The following PPM1E variants were observed in gnomAD, a reference collection of about 807,000 sequenced individuals.
The protein encoded by PPM1E is protein phosphatase 1E.
Under a neutral mutation model 65.9 loss-of-function variants are expected in PPM1E, and 20 were observed. The ratio of observed to expected loss-of-function variants is 0.30; its 90% CI spans 0.21 to 0.44. PPM1E has a LOEUF of 0.44. PPM1E is among the 20% of genes least tolerant of loss of function. The pLI, the probability that PPM1E is intolerant of heterozygous loss-of-function variation, is 1.00. For missense variants in PPM1E, 713 were observed against 953.1 expected (o/e 0.75, Z 3.32); for synonymous variants, 352 against 374.9 (o/e 0.94, Z 0.70).
intron 1 of PPM1E, among the ~76,000 whole-genome samples, chr17:58,870,188 A>G (rs554091283): frequency 1.3e-5 from 2 of 152,352 alleles, no homozygotes; most frequent in Admixed American, 6.5e-5. Context: ...AAAGAGAAGA[A>G]GGAGCTGAAG....
chr17:58,863,074 A>T (rs187409840), intron 1 of PPM1E, among the ~76,000 whole-genome samples: 1 of 152,230 alleles, frequency 6.6e-6, no homozygotes, highest in Non-Finnish European at 1.5e-5. Context: ...ATGGCTTCAG[A>T]TCTTGATAAT....
chr17:58,981,250 C>A lies in PPM1E; in HGVS notation c.*219C>A. On this transcript the variant is annotated 3_prime_UTR_variant, in exon 7 of 7. Transcript: ENST00000308249. ...ACTTGCAAAATTACACAGCTGGTCCCTGTGATGTGTCTCGACACCAATACA... is the reference window on the plus strand; with the variant it reads ...ACTTGCAAAATTACACAGCTGGTCCATGTGATGTGTCTCGACACCAATACA... The A allele has an allele frequency of 2.0e-6, 1 of 506,472 alleles. No homozygotes were observed. The highest frequency in any genetic ancestry group is 3.5e-6 in the Non-Finnish European group (1 of 288,428). The allele number at this position is 506,472 out of a possible 1,614,324, so 31.4% of individuals were successfully genotyped here.
intron 1 of PPM1E, among the ~76,000 whole-genome samples, chr17:58,794,654 A>G (rs1026547143): frequency 2.8e-4 from 43 of 152,092 alleles, no homozygotes; most frequent in African/African-American, 1.0e-3. Flanking sequence ...ATAAGTGAGA[A>G]CATGCAATGT....
At chr17:58,825,501 T>C (rs1247613093) in intron 1 of PPM1E, among the ~76,000 whole-genome samples, 1 of 152,126 alleles carries the variant, frequency 6.6e-6, no homozygotes, top group Non-Finnish European at 1.5e-5. Flanking sequence ...TGTGTTAACA[T>C]TGGTGTTTTT....
At chr17:58,803,775 G>A (rs143431499) in intron 1 of PPM1E, among the ~76,000 whole-genome samples, 2 of 152,266 alleles carry the variant, frequency 1.3e-5, no homozygotes, top group South Asian at 2.1e-4. Context: ...CTAGATCAGT[G>A]TGTTCTGCTA....
At chr17:58,850,258 A>G (rs1443798452) in intron 1 of PPM1E, among the ~76,000 whole-genome samples, 52 of 148,252 alleles carry the variant, frequency 3.5e-4, no homozygotes, top group African/African-American at 5.7e-4. Flanking sequence ...TTTTAATTGG[A>G]GCATTTAGCC....
At chr17:58,818,824 A>G (rs751113209) in intron 1 of PPM1E, among the ~76,000 whole-genome samples, 2 of 152,208 alleles carry the variant, frequency 1.3e-5, no homozygotes, top group African/African-American at 4.8e-5. Flanking sequence ...TGCTTGGTAC[A>G]TAATTAGTAC....
At position 58,938,324 on chromosome 17, in the gene PPM1E, A is replaced by T. The variant is rs375307420; in HGVS notation, c.465-17325A>T. On this transcript the variant is annotated intron_variant, in intron 1 of 6. Coordinates refer to ENST00000308249, the MANE Select transcript of PPM1E (RefSeq NM_014906.5). ...GGTTACCCAGCTATAACTAGAACCC[A>T]CCTTTCTAACTCCTTATATTTCTGC... Among the ~76,000 whole-genome samples, 2 of 152,298 alleles carry T rather than the reference A, an allele frequency of 1.3e-5. 1 individual carries two copies. The highest frequency in any genetic ancestry group is 1.3e-4 in the Admixed American group (2 of 15,286).
chr17:58,901,003 G>A (rs1321261675), intron 1 of PPM1E, among the ~76,000 whole-genome samples: 1 of 152,108 alleles, frequency 6.6e-6, no homozygotes, highest in Non-Finnish European at 1.5e-5. Context: ...AAGACACAGA[G>A]AGATTAAGTG....
At chr17:58,906,728 A>G (rs2051562797) in intron 1 of PPM1E, among the ~76,000 whole-genome samples, 1 of 151,724 alleles carries the variant, frequency 6.6e-6, no homozygotes, top group Non-Finnish European at 1.5e-5. Flanking sequence ...TTTGGATTTA[A>G]TTTGCTCTTC....
At chr17:58,816,184 C>T (rs1567841775) in intron 1 of PPM1E, among the ~76,000 whole-genome samples, 1 of 151,920 alleles carries the variant, frequency 6.6e-6, no homozygotes, top group Non-Finnish European at 1.5e-5. Flanking sequence ...TGCCACCACG[C>T]CCAGCTAATT....
intron 1 of PPM1E, among the ~76,000 whole-genome samples, chr17:58,930,250 T>TATACACACACAC (rs1555620517): frequency 3.5e-5 from 5 of 143,304 alleles, no homozygotes; most frequent in East Asian, 2.1e-4. Context: ...TAAATGTATA[T>TATACACACACAC]ACACACACAC....
chr17:58,890,724 A>G (rs1029024740), intron 1 of PPM1E, among the ~76,000 whole-genome samples: 2 of 152,034 alleles, frequency 1.3e-5, no homozygotes, highest in Non-Finnish European at 2.9e-5. Context: ...TTGTATTCTC[A>G]CTATTCAGCT....
At chr17:58,961,073 AC>A (rs2143659709) in intron 2 of PPM1E, among the ~76,000 whole-genome samples, 1 of 152,240 alleles carries the variant, frequency 6.6e-6, no homozygotes, top group South Asian at 2.1e-4. Context: ...ACATAAAACT[AC>A]CCAAGTGACA....
At chr17:58,942,882 C>T (rs1399633601) in intron 1 of PPM1E, among the ~76,000 whole-genome samples, 2 of 151,748 alleles carry the variant, frequency 1.3e-5, no homozygotes, top group Non-Finnish European at 2.9e-5. Flanking sequence ...TCAATTCTGC[C>T]TGATGCAGTG....
chr17:58,860,745 AC>A (rs1255936194), intron 1 of PPM1E, among the ~76,000 whole-genome samples: 7 of 152,148 alleles, frequency 4.6e-5, no homozygotes, highest in African/African-American at 1.7e-4. Flanking sequence ...GGAATTCGCG[AC>A]CAGTTTGACC....
At chr17:58,816,300 A>G (rs2143114584) in intron 1 of PPM1E, among the ~76,000 whole-genome samples, 1 of 152,370 alleles carries the variant, frequency 6.6e-6, no homozygotes, top group Admixed American at 6.5e-5. Flanking sequence ...CTGGGATTAC[A>G]GGTGTGAGCC....
At chr17:58,866,330 A>G (rs1598618022) in intron 1 of PPM1E, among the ~76,000 whole-genome samples, 1 of 152,224 alleles carries the variant, frequency 6.6e-6, no homozygotes, top group Non-Finnish European at 1.5e-5. Flanking sequence ...TCATTTTTAC[A>G]TTGAATCCTA....
intron 1 of PPM1E, among the ~76,000 whole-genome samples, chr17:58,772,440 G>C (rs952966291): frequency 9.3e-5 from 14 of 151,034 alleles, no homozygotes; most frequent in Non-Finnish European, 1.9e-4. Context: ...TGGTGACAGA[G>C]CAAGACTCCA....
Sources: allele counts gnomAD v4.1 joint callset (sites outside exome capture counted in the v4.1 genomes callset), GRCh38; gene constraint gnomAD v4.1.1; transcripts MANE v1.5; gene names NCBI Gene and HGNC (gene_info 2026-07-23, HGNC 2026-07-21).